Variants in FRMD5 observed in about 807,000 individuals in gnomAD.
FRMD5 encodes FERM domain-containing protein 5.
In FRMD5, 20 loss-of-function variants were observed where a neutral mutation model predicts 69.0. That is an observed-to-expected ratio of 0.29 (90% CI 0.20 to 0.42). FRMD5 has a LOEUF of 0.42. FRMD5 is among the 10% of genes least tolerant of loss of function. The probability of loss-of-function intolerance (pLI) is 1.00; values close to 1 mark genes in which losing one functional copy is unlikely to be tolerated. For synonymous variants in FRMD5, 271 were observed against 260.1 expected (o/e 1.04, Z -0.40); for missense variants, 595 against 708.6 (o/e 0.84, Z 1.82).
intron 1 of FRMD5, among the ~76,000 whole-genome samples, chr15:43,939,820 C>G (rs952905859): frequency 6.6e-6 from 1 of 151,964 alleles, no homozygotes; most frequent in Non-Finnish European, 1.5e-5. Flanking sequence ...CTCAGCCTCC[C>G]AAAGTGCTGG....
chr15:44,091,519 G>C (rs1186760623), intron 1 of FRMD5, among the ~76,000 whole-genome samples: 1 of 152,054 alleles, frequency 6.6e-6, no homozygotes, highest in Non-Finnish European at 1.5e-5. Flanking sequence ...ACTAATTTTA[G>C]CTTCTCTTTT....
At chr15:44,087,145 A>G (rs757727414) in intron 1 of FRMD5, among the ~76,000 whole-genome samples, 1 of 152,016 alleles carries the variant, frequency 6.6e-6, no homozygotes, top group Non-Finnish European at 1.5e-5. Context: ...CAGCCTTCCA[A>G]GTAGCTGGGA....
Position 43,905,754 on chromosome 15 carries a change from G to A in FRMD5, c.551+74C>T. On this transcript the variant is annotated intron_variant, in intron 6 of 13. Coordinates refer to ENST00000417257, the MANE Select transcript of FRMD5 (RefSeq NM_032892.5). The stretch of plus-strand genomic sequence containing the variant: ...CAGTAAACAGTCTGCGAGAACAGAG[G>A]ACACGGCGTGGAGCCTGCGTGCTCA... The A allele has an allele frequency of 3.8e-6, 6 of 1,578,938 alleles. No homozygotes were observed. The South Asian group carries it at 6.7e-5, about 18-fold the overall frequency.
At chr15:43,934,265 G>A (rs1177462874) in intron 1 of FRMD5, among the ~76,000 whole-genome samples, 1 of 152,144 alleles carries the variant, frequency 6.6e-6, no homozygotes, top group Non-Finnish European at 1.5e-5. Context: ...GGGAAGCGAT[G>A]GGAGTAAGAA....
intron 1 of FRMD5, among the ~76,000 whole-genome samples, chr15:44,141,417 T>C (rs1298391941): frequency 3.9e-5 from 6 of 152,134 alleles, no homozygotes; most frequent in Non-Finnish European, 7.4e-5. Context: ...GTCAAGTACA[T>C]ACACAGAAAT....
intron 1 of FRMD5, among the ~76,000 whole-genome samples, chr15:44,063,104 A>G (rs1267139339): frequency 1.3e-5 from 2 of 152,144 alleles, no homozygotes; most frequent in Non-Finnish European, 2.9e-5. Context: ...CCATTTCCAC[A>G]TGATTTCAGT....
chr15:44,023,917 C>T lies in FRMD5; in HGVS notation c.103-99608G>A, dbSNP rs567646935. ...AACCTTTCTTTACCTTCCTAGGTCT[C>T]GTTTTCCATATCTAGTGGCTGGCCT... On this transcript the variant is annotated intron_variant, in intron 1 of 13. Coordinates refer to ENST00000417257, the MANE Select transcript of FRMD5 (RefSeq NM_032892.5). 3.9e-5 allele frequency among the ~76,000 whole-genome samples: 6 copies of T among 152,074 alleles called. No individual in the cohort carries two copies. In the South Asian group the frequency reaches 1.0e-3, roughly 26 times the overall value.
At chr15:44,194,178 A>T (rs2078243232) in intron 1 of FRMD5, 2 of 152,240 alleles carry the variant, frequency 1.3e-5, no homozygotes, top group African/African-American at 4.8e-5. Context: ...AGGTTGTAAA[A>T]ATCCCTTCAA....
At chr15:44,194,071 C>T (rs1407336993) in intron 1 of FRMD5, among the ~76,000 whole-genome samples, 2 of 152,172 alleles carry the variant, frequency 1.3e-5, no homozygotes, top group African/African-American at 2.4e-5. Flanking sequence ...CAATCTCTGA[C>T]TTTTTCATAA....
intron 8 of FRMD5, among the ~76,000 whole-genome samples, 188 bp from the exon 9 acceptor site, chr15:43,889,060 A>C (rs1189218824): frequency 6.6e-6 from 1 of 152,142 alleles, no homozygotes; most frequent in Non-Finnish European, 1.5e-5. Flanking sequence ...AGTTCAATCC[A>C]CAGTTTTCTG....
intron 1 of FRMD5, among the ~76,000 whole-genome samples, chr15:44,179,834 T>C (rs1402427783): frequency 6.6e-6 from 1 of 152,116 alleles, no homozygotes; most frequent in Non-Finnish European, 1.5e-5. Context: ...TGCCAGGCAT[T>C]TAACACAGTT....
At position 43,906,689 on chromosome 15, in the gene FRMD5, A is replaced by C. The variant is rs554931455; in HGVS notation, c.428-738T>G. Among the ~76,000 whole-genome samples, 226 of 150,398 alleles carry C rather than the reference A, an allele frequency of 1.5e-3. 1 individual carries two copies. Among genetic ancestry groups the C allele is most frequent in the Admixed American group, 3.8e-3 (57 of 15,190 alleles). ...CGATCTTGGCTCACTGCAAGCTCCG[A>C]CTCCTGGGTTCACGCCATTCTCCTG... On this transcript the variant is annotated intron_variant, in intron 5 of 13. Coordinates refer to ENST00000417257, the MANE Select transcript of FRMD5 (RefSeq NM_032892.5).
intron 1 of FRMD5, among the ~76,000 whole-genome samples, chr15:44,146,707 ATCT>A (rs2077362173): frequency 6.6e-6 from 1 of 152,146 alleles, no homozygotes; most frequent in Non-Finnish European, 1.5e-5. Flanking sequence ...GTGAGATGGT[ATCT>A]CATTGTGGTT....
chr15:43,910,072 G>T, intron 4 of FRMD5, 93 bp from the exon 5 acceptor site: 1 of 663,990 alleles, frequency 1.5e-6, no homozygotes, highest in South Asian at 2.1e-5. Flanking sequence ...ATCTTTGTCA[G>T]GATACTTTTA....
At chr15:43,964,500 C>CAAACAA (rs755501316) in intron 1 of FRMD5, among the ~76,000 whole-genome samples, 2 of 129,710 alleles carry the variant, frequency 1.5e-5, no homozygotes, top group African/African-American at 5.8e-5. Flanking sequence ...AACAAACAAA[C>CAAACAA]AAAAAAAAAA....
chr15:44,024,213 C>T (rs970498945), intron 1 of FRMD5, among the ~76,000 whole-genome samples: 4 of 151,694 alleles, frequency 2.6e-5, no homozygotes, highest in Admixed American at 6.6e-5. Flanking sequence ...GTTTTAACTC[C>T]CTATGATTTT....
chr15:44,127,362 G>A (rs545048031), intron 1 of FRMD5, among the ~76,000 whole-genome samples: 5 of 152,312 alleles, frequency 3.3e-5, no homozygotes, highest in Admixed American at 2.6e-4. Context: ...AAAGTGCTGT[G>A]ATTACAGGCG....
intron 13 of FRMD5, among the ~76,000 whole-genome samples, chr15:43,883,432 T>G (rs2088584947): frequency 6.6e-6 from 1 of 152,160 alleles, no homozygotes; most frequent in African/African-American, 2.4e-5. Flanking sequence ...ATTTCAGAAC[T>G]GCATGGAACC....
intron 1 of FRMD5, among the ~76,000 whole-genome samples, chr15:43,973,408 C>T (rs181246319): frequency 1.3e-4 from 20 of 151,240 alleles, no homozygotes; most frequent in Non-Finnish European, 2.4e-4. Flanking sequence ...CTCTATCTCA[C>T]AGGCTGGAGT....
Sources: gnomAD v4.1 joint callset for allele counts (sites outside exome capture counted in the v4.1 genomes callset) on GRCh38, gnomAD v4.1.1 for gene constraint, MANE v1.5 for transcripts, NCBI Gene and HGNC (gene_info 2026-07-23, HGNC 2026-07-21) for gene names.